The following TPD52L1 variants were observed in gnomAD, a reference collection of about 807,000 sequenced individuals.
The protein encoded by TPD52L1 is TPD52 like 1.
A neutral mutation model predicts 28.7 loss-of-function variants in TPD52L1; 18 were observed. The ratio of observed to expected loss-of-function variants is 0.63; its 90% CI spans 0.43 to 0.93. The LOEUF is 0.93. Ranked by LOEUF, TPD52L1 falls within the 40% of genes least tolerant of loss-of-function variation. The pLI, the probability that TPD52L1 is intolerant of heterozygous loss-of-function variation, is 0.00. For synonymous variants in TPD52L1, 75 were observed against 88.8 expected (o/e 0.84, Z 0.88); for missense variants, 203 against 254.8 (o/e 0.80, Z 1.39).
chr6:125,246,633 A>C (rs1380230160), intron 3 of TPD52L1, among the ~76,000 whole-genome samples: 1 of 152,212 alleles, frequency 6.6e-6, no homozygotes, highest in East Asian at 1.9e-4. Context: ...ATAAAATTTA[A>C]TTTGAATGAG....
chr6:125,238,684 T>A (rs1796430556), intron 3 of TPD52L1, among the ~76,000 whole-genome samples: 1 of 152,232 alleles, frequency 6.6e-6, no homozygotes. Context: ...CATTCTCTTT[T>A]ATGGCTGAGT....
rs186812148 is a variant in TPD52L1, at chr6:125,202,786, A to G, written c.20-17292A>G. 5.2e-3 allele frequency among the ~76,000 whole-genome samples: 157 copies of G among 30,110 alleles called. 1 individual carries two copies. In the African/African-American group the frequency reaches 0.11, roughly 22 times the overall value. 19.8% of individuals were successfully genotyped at this position (30,110 alleles called of 152,430 possible). ...TTTATCTTTTTTTTTTTTTTTTGAGACGGAGCCTTGCTCTTGTCACCCAGG... is the reference window on the plus strand; with the variant it reads ...TTTATCTTTTTTTTTTTTTTTTGAGGCGGAGCCTTGCTCTTGTCACCCAGG... On this transcript the variant is annotated intron_variant, in intron 1 of 6. Coordinates refer to ENST00000534000, the MANE Select transcript of TPD52L1 (RefSeq NM_003287.4).
intron 1 of TPD52L1, among the ~76,000 whole-genome samples, chr6:125,209,949 A>G (rs1452836812): frequency 1.3e-5 from 2 of 152,192 alleles, no homozygotes; most frequent in Non-Finnish European, 2.9e-5. Flanking sequence ...CATAGAGATG[A>G]AACTTGATAG....
At chr6:125,180,577 C>T (rs1372306247) in intron 1 of TPD52L1, among the ~76,000 whole-genome samples, 3,047 of 149,008 alleles carry the variant, frequency 0.02, 103 homozygotes, top group African/African-American at 0.07. Context: ...TATACACACA[C>T]ACACACACAC....
At chr6:125,179,582 AT>A (rs952892686) in intron 1 of TPD52L1, among the ~76,000 whole-genome samples, 3 of 152,192 alleles carry the variant, frequency 2.0e-5, no homozygotes, top group Non-Finnish European at 4.4e-5. Flanking sequence ...TTCCCTTTGT[AT>A]TTAGGCTTCA....
At chr6:125,207,988 C>T (rs769610274) in intron 1 of TPD52L1, among the ~76,000 whole-genome samples, 1 of 152,174 alleles carries the variant, frequency 6.6e-6, no homozygotes, top group Non-Finnish European at 1.5e-5. Flanking sequence ...ACATTTATTC[C>T]ACTTCTTCCC....
At chr6:125,252,334 AAAG>A (rs1165779517) in intron 4 of TPD52L1, 2 of 342,832 alleles carry the variant, frequency 5.8e-6, no homozygotes, top group Non-Finnish European at 5.2e-6. Context: ...TTAGAATTGA[AAAG>A]AAGAAGAAAA....
chr6:125,236,738 T>C (rs1023676388), intron 3 of TPD52L1, among the ~76,000 whole-genome samples: 1 of 152,144 alleles, frequency 6.6e-6, no homozygotes, highest in Admixed American at 6.5e-5. Flanking sequence ...ACAGAGTCAG[T>C]GGCAGGTGGT....
At chr6:125,195,831 G>A (rs1793395040) in intron 1 of TPD52L1, among the ~76,000 whole-genome samples, 1 of 152,144 alleles carries the variant, frequency 6.6e-6, no homozygotes, top group Non-Finnish European at 1.5e-5. Context: ...TGGTGACAAA[G>A]CCTGTCTCCA....
intron 1 of TPD52L1, among the ~76,000 whole-genome samples, chr6:125,197,170 GT>G (rs767205555): frequency 1.2e-4 from 19 of 152,184 alleles, no homozygotes; most frequent in Non-Finnish European, 2.5e-4. Context: ...AGAGCTGGCT[GT>G]CCTTTCTCTT....
chr6:125,176,120 AC>A (rs1791809092), intron 1 of TPD52L1, among the ~76,000 whole-genome samples: 1 of 152,210 alleles, frequency 6.6e-6, no homozygotes, highest in Non-Finnish European at 1.5e-5. Flanking sequence ...TGGATTGGCA[AC>A]ACCTGTTCAA....
chr6:125,247,366 C>A (rs1225645169), intron 3 of TPD52L1, among the ~76,000 whole-genome samples: 2 of 152,120 alleles, frequency 1.3e-5, no homozygotes, highest in Admixed American at 6.5e-5. Context: ...TCATAACCAA[C>A]TCAGAAATTT....
chr6:125,170,371 G>A (rs1361526249), intron 1 of TPD52L1, among the ~76,000 whole-genome samples: 2 of 150,986 alleles, frequency 1.3e-5, no homozygotes, highest in African/African-American at 4.9e-5. Context: ...AGGTTGTGTA[G>A]GGGCTATTAT....
At chr6:125,230,576 G>A (rs1795890473) in intron 3 of TPD52L1, among the ~76,000 whole-genome samples, 1 of 152,086 alleles carries the variant, frequency 6.6e-6, no homozygotes, top group African/African-American at 2.4e-5. Context: ...TTTCAGTTTT[G>A]CCAGCAGCCA....
intron 1 of TPD52L1, among the ~76,000 whole-genome samples, chr6:125,212,262 A>G (rs1794571781): frequency 6.6e-6 from 1 of 152,154 alleles, no homozygotes; most frequent in Non-Finnish European, 1.5e-5. Flanking sequence ...ATAATTTTGT[A>G]TTCTTTTTGA....
chr6:125,239,412 A>G (rs1230656780), intron 3 of TPD52L1, among the ~76,000 whole-genome samples: 6 of 152,214 alleles, frequency 3.9e-5, no homozygotes, highest in Non-Finnish European at 8.8e-5. Flanking sequence ...CAATTATGGC[A>G]GAAGGTGGAA....
intron 1 of TPD52L1, among the ~76,000 whole-genome samples, chr6:125,172,158 TTTCTTTC>T (rs1791425483): frequency 2.7e-5 from 1 of 37,002 alleles, no homozygotes; most frequent in African/African-American, 1.2e-4. Context: ...CTTTCTTTCT[TTTCTTTC>T]TTTCTTTCTT....
Position 125,206,503 on chromosome 6 carries a change from G to A in TPD52L1, c.20-13575G>A, listed in dbSNP as rs190204016. 5.4e-4 allele frequency among the ~76,000 whole-genome samples: 82 copies of A among 152,140 alleles called. 1 individual carries two copies. The highest frequency in any genetic ancestry group is 1.8e-3 in the African/African-American group (74 of 41,518). ...TAGGATTCTTACAAGAGAAACAGAG[G>A]AAAAAGAGGTTTTCTAGAGTGACAG... is the stretch of plus-strand genomic sequence containing the variant. On this transcript the variant is annotated intron_variant, in intron 1 of 6. Transcript: ENST00000534000.
chr6:125,256,125 G>A (rs1797584063), intron 5 of TPD52L1, among the ~76,000 whole-genome samples: 1 of 152,102 alleles, frequency 6.6e-6, no homozygotes, highest in Non-Finnish European at 1.5e-5. Context: ...GAGGCAGGTG[G>A]ACCACCTGAG....
Sources: allele counts gnomAD v4.1 joint callset (sites outside exome capture counted in the v4.1 genomes callset), GRCh38; gene constraint gnomAD v4.1.1; transcripts MANE v1.5; gene names NCBI Gene and HGNC (gene_info 2026-07-23, HGNC 2026-07-21).